The following EPN1 variants were observed in gnomAD, a reference collection of about 807,000 sequenced individuals.
The protein encoded by EPN1 is epsin 1, also known as epsin-1.
EPN1 carries 25 observed loss-of-function variants against 56.9 expected under a neutral mutation model. The ratio of observed to expected loss-of-function variants is 0.44; its 90% CI spans 0.32 to 0.61. The LOEUF (loss-of-function observed/expected upper bound fraction) is 0.61, where lower values mean the gene tolerates loss of function less well. EPN1 is among the 20% of genes least tolerant of loss of function. The pLI is 0.05. For synonymous variants in EPN1, 411 were observed against 361.8 expected, an observed-to-expected ratio of 1.14 and a Z score of -1.54; for missense variants, 785 against 823.7, an observed-to-expected ratio of 0.95 and a Z score of 0.58.
At position 55,678,512 on chromosome 19, in the gene EPN1, C is replaced by T. The variant is rs1201668895; in HGVS notation, c.-101-15C>T. 3.3e-6 allele frequency: 5 copies of T among 1,533,632 alleles called. No homozygotes were observed. The South Asian group carries it at 3.6e-5, about 11-fold the overall frequency. The stretch of plus-strand genomic sequence containing the variant: ...TGTCCCATTTGTGTTTCCAGAGGTC[C>T]TCTTCCCCTCGCAGATGCGGTGACC... On this transcript the variant is annotated splice_polypyrimidine_tract_variant and intron_variant, in intron 1 of 10. Coordinates refer to ENST00000270460, the MANE Select transcript of EPN1 (RefSeq NM_001130072.2).
chr19:55,681,691 C>T lies in EPN1; in HGVS notation c.228+2836C>T, dbSNP rs115834589. Reference sequence around the variant, plus strand: ...CTTTATTTCTGCATTGCAGGATGTCCTTGATAAAGCTGTCTTTAACATTAA... The same window carrying T: ...CTTTATTTCTGCATTGCAGGATGTCTTTGATAAAGCTGTCTTTAACATTAA... On this transcript the variant is annotated intron_variant, in intron 2 of 10. Transcript: ENST00000270460. 9.7e-3 allele frequency among the ~76,000 whole-genome samples: 1,476 copies of T among 152,286 alleles called. 26 individuals are homozygous for T. Among genetic ancestry groups the T allele is most frequent in the African/African-American group, 0.034 (1,407 of 41,550 alleles).
Position 55,695,206 on chromosome 19 carries a change from G to A in EPN1, c.1581G>A (p.Thr527=), listed in dbSNP as rs201001431. The A allele has an allele frequency of 1.1e-5, 17 of 1,613,438 alleles. No homozygotes were observed. In the African/African-American group the frequency reaches 1.9e-4, roughly 18 times the overall value. Residue 527 remains threonine (T), a synonymous_variant, in exon 11 of 11, where the codon ACG becomes ACA. Coordinates refer to ENST00000270460, the MANE Select transcript of EPN1 (RefSeq NM_001130072.2). The surrounding 1 kb of genome is among the most constrained non-coding windows in gnomAD (Gnocchi z 4.4). ...CCTTCCAGCCCGCGCCTCCCGCGAC[G>A]CTCACCCTGAACCAGCTCCGTCTCA... The part of the protein sequence containing the change: ...TNPFQPAPPA[T]LTLNQLRLSP...
chr19:55,690,149 C>G (rs939746688), intron 6 of EPN1, among the ~76,000 whole-genome samples, 199 bp downstream of exon 6: 4 of 152,242 alleles, frequency 2.6e-5, no homozygotes, highest in Non-Finnish European at 4.4e-5. Flanking sequence ...CCAGGCTGCC[C>G]TGCGGCCACC....
chr19:55,693,161 T>G (rs1210294952), intron 9 of EPN1, 124 bp downstream of exon 9: 2 of 863,938 alleles, frequency 2.3e-6, no homozygotes. Context: ...GATGAAAAGT[T>G]CAGTTGGGTA....
At position 55,687,611 on chromosome 19, in the gene EPN1, A is replaced by C. The variant is rs1046118416; in HGVS notation, c.479-1259A>C. Among the ~76,000 whole-genome samples the C allele has an allele frequency of 1.2e-4, 18 of 152,110 alleles. No homozygotes were observed. In the East Asian group the frequency reaches 3.5e-3, roughly 29 times the overall value. On this transcript the variant is annotated intron_variant, in intron 3 of 10. Transcript: ENST00000270460. Reference sequence around the variant, plus strand: ...AGTCACAGGGGCAGGGAAGAGCAGGAGGGGCCACAGGGGTGTGGTCCTCCC... The same window carrying C: ...AGTCACAGGGGCAGGGAAGAGCAGGCGGGGCCACAGGGGTGTGGTCCTCCC...
chr19:55,689,223 ATCTGACCCTGGCTCTGCC>A lies in EPN1; in HGVS notation c.604-67_604-50del, dbSNP rs1249575019. ...CCCAGCCCTCTCTTTCTTCGGCTCT[ATCTGACCCTGGCTCTGCC>A]TCTGACTCTGCCTCTGGCCCCTCCC... On this transcript the variant is annotated intron_variant, in intron 4 of 10. Transcript: ENST00000270460. This position sits in a 1 kb window ranked among gnomAD's most constrained non-coding sequence, Gnocchi z 5.7. 1.7e-5 allele frequency: 21 copies of A among 1,252,274 alleles called. No homozygotes were observed. Among genetic ancestry groups the A allele is most frequent in the Non-Finnish European group, 2.4e-5 (21 of 879,018 alleles). The allele number at this position is 1,252,274 out of a possible 1,614,324, so 77.6% of individuals were successfully genotyped here. A position where few individuals can be genotyped will look rare whatever the true frequency, so the allele number is the denominator to read the frequency against.
At position 55,705,815 on chromosome 19, in the gene EPN1, A is replaced by ATATATATATATATGTGTG. The variant is rs1484787604; in HGVS notation, c.*10472_*10473insGTGTGTATATATATATAT. ...GAATATTTGTTGTTGTGGGATATAT[A>ATATATATATATATGTGTG]TATATATATATATTTAGAGTGTTGT... On this transcript the variant is annotated 3_prime_UTR_variant, in exon 11 of 11. Coordinates refer to ENST00000270460, the MANE Select transcript of EPN1 (RefSeq NM_001130072.2). 1.6e-5 allele frequency: 2 copies of ATATATATATATATGTGTG among 123,178 alleles called. No individual in the cohort carries two copies. Among genetic ancestry groups the ATATATATATATATGTGTG allele is most frequent in the African/African-American group, 7.8e-5 (2 of 25,580 alleles). The allele number at this position is 123,178 out of a possible 1,614,324, so 7.6% of individuals were successfully genotyped here. A position where few individuals can be genotyped will look rare whatever the true frequency, so the allele number is the denominator to read the frequency against.
intron 1 of EPN1, among the ~76,000 whole-genome samples, chr19:55,675,725 GTC>G (rs1264349292): frequency 6.6e-6 from 1 of 152,108 alleles, no homozygotes; most frequent in Non-Finnish European, 1.5e-5. Flanking sequence ...TCTGTCCCGG[GTC>G]TCTCTCTCCT....
intron 2 of EPN1, 63 bp from the exon 3 acceptor site, chr19:55,685,333 A>G (rs914574378): frequency 1.4e-4 from 220 of 1,563,640 alleles, no homozygotes; most frequent in Non-Finnish European, 1.8e-4. Context: ...CCCGCGTCGC[A>G]GGCAGTCTCT....
In EPN1 at chr19:55,689,128, C is replaced by A. The variant is rs577100198; in HGVS notation, c.603+134C>A. The A allele has an allele frequency of 6.8e-5, 88 of 1,303,250 alleles. No homozygotes were observed. In the East Asian group the frequency reaches 2.1e-3, roughly 32 times the overall value. 80.7% of individuals were successfully genotyped at this position (1,303,250 alleles called of 1,614,324 possible). ...TGCTGTCACTCGTCTCCTCCCCAGT[C>A]CTGCCTCATCCTCACCCCGCCGTCC... On this transcript the variant is annotated intron_variant, in intron 4 of 10. Coordinates refer to ENST00000270460, the MANE Select transcript of EPN1 (RefSeq NM_001130072.2). This position sits in a 1 kb window ranked among gnomAD's most constrained non-coding sequence, Gnocchi z 5.7.
chr19:55,690,781 G>A (rs1186666630), intron 6 of EPN1, among the ~76,000 whole-genome samples: 1 of 152,204 alleles, frequency 6.6e-6, no homozygotes, highest in Non-Finnish European at 1.5e-5. Flanking sequence ...CTCTCCATGG[G>A]AGGCGGCAGA....
In EPN1 at chr19:55,691,522, C is replaced by T. The variant is rs1277219243; in HGVS notation, c.763-232C>T. ...CAGGAGTGGGGCTGTGTTGGGGCTC[C>T]CTGGTGGTACCCTCGGGTGGGGTAG... On this transcript the variant is annotated intron_variant, in intron 6 of 10. Transcript: ENST00000270460. This position sits in a 1 kb window ranked among gnomAD's most constrained non-coding sequence, Gnocchi z 5.6. Among the ~76,000 whole-genome samples, 2 of 151,886 alleles carry T rather than the reference C, an allele frequency of 1.3e-5. No individual in the cohort carries two copies. The highest frequency in any genetic ancestry group is 6.6e-5 in the Admixed American group (1 of 15,246).
Position 55,706,103 on chromosome 19 carries a change from C to T in EPN1, c.*10747C>T. ...CCCAGCTTTAGTTTTTCCAGATTCT[C>T]TGCATGTGCAGGTTTATGAGACTGG... On this transcript the variant is annotated 3_prime_UTR_variant, in exon 11 of 11. Transcript: ENST00000270460. 2 of 246,312 alleles carry T rather than the reference C, an allele frequency of 8.1e-6. No individual in the cohort carries two copies. Among genetic ancestry groups the T allele is most frequent in the South Asian group, 5.1e-5 (1 of 19,758 alleles). The allele number at this position is 246,312 out of a possible 1,614,324, so 15.3% of individuals were successfully genotyped here.
rs1487057086 is a variant in EPN1, at chr19:55,706,194, CCTTTCTTCCTTTATTTTT to C, written c.*10851_*10868del. On this transcript the variant is annotated 3_prime_UTR_variant, in exon 11 of 11. Coordinates refer to ENST00000270460, the MANE Select transcript of EPN1 (RefSeq NM_001130072.2). ...TCTTCCTCTTCCTCCTTTTTCTCCT[CCTTTCTTCCTTTATTTTT>C]CTTTCTTCCTTTCCTCCTCTTTCTT... is the stretch of plus-strand genomic sequence containing the variant. The C allele has an allele frequency of 2.6e-5, 4 of 155,920 alleles. No homozygotes were observed. Among genetic ancestry groups the C allele is most frequent in the Non-Finnish European group, 2.8e-5 (2 of 71,782 alleles). 9.7% of individuals were successfully genotyped at this position (155,920 alleles called of 1,614,324 possible).
intron 2 of EPN1, among the ~76,000 whole-genome samples, chr19:55,679,370 A>G (rs376411970): frequency 1.3e-5 from 2 of 152,352 alleles, no homozygotes; most frequent in East Asian, 1.9e-4. Context: ...TGTTACGGCA[A>G]AGTGGCCAAG....
chr19:55,698,548 T>A lies in EPN1; in HGVS notation c.*3192T>A, dbSNP rs1021721883. 1 of 152,484 alleles carries A rather than the reference T, an allele frequency of 6.6e-6. No homozygotes were observed. Among genetic ancestry groups the A allele is most frequent in the South Asian group, 2.1e-4 (1 of 4,834 alleles). The allele number at this position is 152,484 out of a possible 1,614,324, so 9.4% of individuals were successfully genotyped here. ...TGCTCACCCTAGCCTTACCCCTCGCTCTACTCCCGCCCTCGCCCTATCCTC... is the reference window on the plus strand; with the variant it reads ...TGCTCACCCTAGCCTTACCCCTCGCACTACTCCCGCCCTCGCCCTATCCTC... On this transcript the variant is annotated 3_prime_UTR_variant, in exon 11 of 11. Transcript: ENST00000270460.
chr19:55,691,867 C>T lies in EPN1; in HGVS notation c.876C>T (p.Thr292=), dbSNP rs920805217. 2 of 1,603,470 alleles carry T rather than the reference C, an allele frequency of 1.2e-6. No homozygotes were observed. Among genetic ancestry groups the T allele is most frequent in the African/African-American group, 2.7e-5 (2 of 74,828 alleles). Residue 292 remains threonine (T), a synonymous_variant, in exon 7 of 11, where the codon ACC becomes ACT. Coordinates refer to ENST00000270460, the MANE Select transcript of EPN1 (RefSeq NM_001130072.2). This position sits in a 1 kb window ranked among gnomAD's most constrained non-coding sequence, Gnocchi z 5.6. The part of the protein sequence containing the change: ...MAAAVPTAAP[T]SDPWGGPPVP... ...CTGCCGTCCCCACGGCTGCCCCCAC[C>T]TCGGACCCCTGGGGCGGCCCCCCTG... is the stretch of plus-strand genomic sequence containing the variant.
chr19:55,675,266 C>T lies in EPN1; in HGVS notation c.-271C>T, dbSNP rs1221145776. The stretch of plus-strand genomic sequence containing the variant: ...TCCTCGGCGGCTCCCCTCCCCCGCC[C>T]GGCTCTCCGCGCCCCTTCTGGGCGG... On this transcript the variant is annotated 5_prime_UTR_variant, in exon 1 of 11. Transcript: ENST00000270460. 2 of 152,062 alleles carry T rather than the reference C, an allele frequency of 1.3e-5. No homozygotes were observed. Among genetic ancestry groups the T allele is most frequent in the Admixed American group, 6.5e-5 (1 of 15,272 alleles). The allele number at this position is 152,062 out of a possible 1,614,324, so 9.4% of individuals were successfully genotyped here. A position where few individuals can be genotyped will look rare whatever the true frequency, so the allele number is the denominator to read the frequency against.
intron 2 of EPN1, among the ~76,000 whole-genome samples, chr19:55,682,191 T>TA (rs1215714549): frequency 6.6e-6 from 1 of 152,216 alleles, no homozygotes; most frequent in Admixed American, 6.5e-5. Context: ...ACACAGCTGT[T>TA]ACGCATGTGG....
Sources: gnomAD v4.1 joint callset for allele counts (sites outside exome capture counted in the v4.1 genomes callset) on GRCh38, gnomAD v4.1.1 for gene constraint, Gnocchi (gnomAD v3.1) non-coding constraint, MANE v1.5 for transcripts, NCBI Gene and HGNC (gene_info 2026-07-23, HGNC 2026-07-21) for gene names.